LARS2: variants seen among roughly 807,000 people sequenced by gnomAD.
LARS2 encodes the protein leucyl-tRNA synthetase 2, mitochondrial, also known as leucine--tRNA ligase, mitochondrial.
Under a neutral mutation model 116.6 loss-of-function variants are expected in LARS2, and 81 were observed. The ratio of observed to expected loss-of-function variants is 0.69; its 90% CI spans 0.58 to 0.84. LARS2 has a LOEUF of 0.84. Ranked by LOEUF, LARS2 falls within the 40% of genes least tolerant of loss-of-function variation. The probability of loss-of-function intolerance (pLI) is 0.00; values close to 1 mark genes in which losing one functional copy is unlikely to be tolerated. For synonymous variants in LARS2, 396 were observed against 407.2 expected, an observed-to-expected ratio of 0.97 and a Z score of 0.33; for missense variants, 968 against 1,114.5, an observed-to-expected ratio of 0.87 and a Z score of 1.87.
chr3:45,471,112 C>A (rs1699518662), intron 8 of LARS2, among the ~76,000 whole-genome samples: 1 of 147,438 alleles, frequency 6.8e-6, no homozygotes, highest in South Asian at 2.2e-4. Flanking sequence ...ACAAAAATAG[C>A]TCTTTAAACA....
At position 45,523,995 on chromosome 3, in the gene LARS2, A is replaced by C; in HGVS notation, c.2293-2A>C. The C allele has an allele frequency of 1.9e-6, 3 of 1,612,268 alleles. No homozygotes were observed. The highest frequency in any genetic ancestry group is 2.5e-6 in the Non-Finnish European group (3 of 1,178,624). ...TTCTTACTTTTTTTTCCTCTTCCTT[A>C]GCAAGCCTCTCAGAGCGTCATTCTC... On this transcript the variant is annotated splice_acceptor_variant, in intron 19 of 21. Coordinates refer to ENST00000645846, the MANE Select transcript of LARS2 (RefSeq NM_015340.4). LOFTEE classifies it high-confidence loss of function.
intron 21 of LARS2, among the ~76,000 whole-genome samples, chr3:45,545,035 G>A (rs930091318): frequency 6.6e-6 from 1 of 152,178 alleles, no homozygotes; most frequent in Non-Finnish European, 1.5e-5. Context: ...AGGAGAGAGA[G>A]GGGCTGTGTC....
chr3:45,458,612 A>G (rs1425200134), intron 7 of LARS2, 131 bp from the exon 8 acceptor site: 1 of 805,854 alleles, frequency 1.2e-6, no homozygotes, highest in African/African-American at 1.7e-5. Flanking sequence ...ACAGGAACCT[A>G]GGAGGTGGAG....
At chr3:45,525,767 A>T (rs1435341634) in intron 20 of LARS2, among the ~76,000 whole-genome samples, 1 of 152,226 alleles carries the variant, frequency 6.6e-6, no homozygotes, top group Non-Finnish European at 1.5e-5. Context: ...GCTTAGTTGG[A>T]AGAAGTCAGA....
intron 6 of LARS2, among the ~76,000 whole-genome samples, chr3:45,443,008 C>A (rs1346407603): frequency 6.6e-6 from 1 of 152,164 alleles, no homozygotes; most frequent in African/African-American, 2.4e-5. Context: ...CATCCCTGGC[C>A]TCTATCCACT....
intron 6 of LARS2, among the ~76,000 whole-genome samples, chr3:45,429,302 G>A (rs1362028280): frequency 6.6e-6 from 1 of 152,134 alleles, no homozygotes; most frequent in Non-Finnish European, 1.5e-5. Flanking sequence ...TGGGTCCTCT[G>A]GGGAAAAATC....
At chr3:45,431,812 CCTATCAGTAATTACTTTAAAAATAAATGG>C (rs2125695456) in intron 6 of LARS2, among the ~76,000 whole-genome samples, 1 of 151,874 alleles carries the variant, frequency 6.6e-6, no homozygotes, top group South Asian at 2.1e-4. Flanking sequence ...GAAGTCTCTC[CCTATCAGTAATTACTTTAAAAATAAATGG>C]CTCAAAATCT....
At chr3:45,457,084 G>A (rs1296788772) in intron 7 of LARS2, among the ~76,000 whole-genome samples, 1 of 152,248 alleles carries the variant, frequency 6.6e-6, no homozygotes, top group Non-Finnish European at 1.5e-5. Context: ...TTTGCTGCCT[G>A]TAGGCTGCAG....
chr3:45,389,306 T>C (rs1321159712), intron 1 of LARS2, among the ~76,000 whole-genome samples: 10 of 152,048 alleles, frequency 6.6e-5, no homozygotes, highest in Admixed American at 5.2e-4. Flanking sequence ...GGGTTTTGTC[T>C]CACGGGTCAA....
At chr3:45,432,098 C>T (rs1393682220) in intron 6 of LARS2, among the ~76,000 whole-genome samples, 2 of 152,112 alleles carry the variant, frequency 1.3e-5, no homozygotes, top group East Asian at 3.8e-4. Flanking sequence ...AGGCTTAATA[C>T]AATAAGGTAT....
chr3:45,438,664 CAAAA>C (rs34358676), intron 6 of LARS2, among the ~76,000 whole-genome samples: 148 of 135,620 alleles, frequency 1.1e-3, no homozygotes, highest in Non-Finnish European at 1.2e-3. Context: ...CTAAAAATAC[CAAAA>C]AAAAAAAAAA....
intron 6 of LARS2, among the ~76,000 whole-genome samples, chr3:45,428,602 G>C (rs937747634): frequency 6.6e-6 from 1 of 152,144 alleles, no homozygotes; most frequent in African/African-American, 2.4e-5. Context: ...ATATTGTGGT[G>C]CAACCATTAT....
intron 7 of LARS2, among the ~76,000 whole-genome samples, chr3:45,451,451 A>G (rs1317127336): frequency 6.6e-6 from 1 of 152,094 alleles, no homozygotes; most frequent in African/African-American, 2.4e-5. Flanking sequence ...AACATTTATT[A>G]AAGAGACTGT....
intron 9 of LARS2, 100 bp from the exon 10 acceptor site, chr3:45,476,368 T>C: frequency 8.0e-7 from 1 of 1,248,694 alleles, no homozygotes; most frequent in South Asian, 1.3e-5. Context: ...GTGGTCACTG[T>C]TGGGGAATGA....
Position 45,394,585 on chromosome 3 carries a change from G to A in LARS2, c.132G>A (p.Thr44=), listed in dbSNP as rs576608165. ...PGCTRSIYSA[T]GKWTKEYTLQ... ...GTACCAGAAGCATCTACAGTGCCAC[G>A]GGAAAGTGGACAAAAGAGTATACAT... Residue 44 remains threonine (T), a synonymous_variant, in exon 3 of 22, where the codon ACG becomes ACA. Coordinates refer to ENST00000645846, the MANE Select transcript of LARS2 (RefSeq NM_015340.4). 1.5e-5 allele frequency: 24 copies of A among 1,614,092 alleles called. 1 individual carries two copies. The highest frequency in any genetic ancestry group is 9.9e-5 in the South Asian group (9 of 91,082).
intron 2 of LARS2, among the ~76,000 whole-genome samples, chr3:45,393,207 TTTTGTTTCTCATCTGCCTCCCTTATTG>T (rs1181566872): frequency 3.3e-5 from 5 of 152,210 alleles, no homozygotes; most frequent in Non-Finnish European, 7.3e-5. Context: ...TGTTATATAT[TTTTGTTTCTCATCTGCCTCCCTTATTG>T]TTTGTTTCTT....
chr3:45,533,880 G>A (rs1274292481), intron 20 of LARS2, among the ~76,000 whole-genome samples: 3 of 152,178 alleles, frequency 2.0e-5, no homozygotes, highest in South Asian at 4.1e-4. Flanking sequence ...TTTTCTACAC[G>A]TCACCCCACT....
At chr3:45,539,557 G>A (rs1700760328) in intron 20 of LARS2, among the ~76,000 whole-genome samples, 1 of 152,138 alleles carries the variant, frequency 6.6e-6, no homozygotes, top group South Asian at 2.1e-4. Context: ...CTTGAACCTG[G>A]GAGGCAGAGG....
chr3:45,450,401 C>T (rs1699104602), intron 7 of LARS2, among the ~76,000 whole-genome samples: 1 of 152,304 alleles, frequency 6.6e-6, no homozygotes, highest in South Asian at 2.1e-4. Flanking sequence ...GCTCTCTCCC[C>T]TTCCTTTCCC....
Sources: allele counts gnomAD v4.1 joint callset (sites outside exome capture counted in the v4.1 genomes callset), GRCh38; gene constraint gnomAD v4.1.1; transcripts MANE v1.5; gene names NCBI Gene and HGNC (gene_info 2026-07-23, HGNC 2026-07-21).